JMJD1C: variants seen among roughly 807,000 people sequenced by gnomAD.
JMJD1C encodes jumonji domain containing 1C.
JMJD1C carries 31 observed loss-of-function variants against 245.3 expected under a neutral mutation model. The observed-to-expected ratio is 0.13, with a 90% CI of 0.09 to 0.17. The LOEUF (loss-of-function observed/expected upper bound fraction) is 0.17, where lower values mean the gene tolerates loss of function less well. Ranked by LOEUF, JMJD1C falls within the 10% of genes least tolerant of loss-of-function variation. The pLI is 1.00. For missense variants in JMJD1C, 2,691 were observed against 3,000.2 expected, an observed-to-expected ratio of 0.90 and a Z score of 2.41; for synonymous variants, 1,057 against 1,017.4, an observed-to-expected ratio of 1.04 and a Z score of -0.74.
At chr10:63,375,442 T>G (rs981512339) in intron 2 of JMJD1C, among the ~76,000 whole-genome samples, 14 of 151,818 alleles carry the variant, frequency 9.2e-5, no homozygotes, top group African/African-American at 3.4e-4. Flanking sequence ...GAAGATGAAA[T>G]AAACAAAACT....
chr10:63,185,363 C>T (rs1477612202), intron 20 of JMJD1C, among the ~76,000 whole-genome samples, 200 bp downstream of exon 20: 1 of 151,796 alleles, frequency 6.6e-6, no homozygotes, highest in African/African-American at 2.4e-5. Context: ...AAGTCTTGGA[C>T]TCCAGCGATC....
chr10:63,446,762 C>T (rs373977900), intron 1 of JMJD1C, among the ~76,000 whole-genome samples: 1 of 152,102 alleles, frequency 6.6e-6, no homozygotes, highest in Non-Finnish European at 1.5e-5. Flanking sequence ...TTTAAAAAGA[C>T]GAGGTAATTT....
intron 10 of JMJD1C, chr10:63,204,793 G>A: frequency 2.0e-6 from 2 of 985,338 alleles, no homozygotes; most frequent in Non-Finnish European, 2.4e-6. Context: ...TTCACTTTCT[G>A]ACTGTCCTTT....
intron 3 of JMJD1C, among the ~76,000 whole-genome samples, chr10:63,229,522 T>A (rs1335727370): frequency 6.6e-6 from 1 of 152,156 alleles, no homozygotes; most frequent in Non-Finnish European, 1.5e-5. Context: ...GAAGATAATA[T>A]AAAATATGCT....
At chr10:63,401,210 T>C (rs1442990333) in intron 1 of JMJD1C, among the ~76,000 whole-genome samples, 1 of 152,194 alleles carries the variant, frequency 6.6e-6, no homozygotes, top group East Asian at 1.9e-4. Context: ...TTAACCTCTA[T>C]TCTTTTCTAT....
intron 2 of JMJD1C, among the ~76,000 whole-genome samples, chr10:63,305,629 CGTGTGTGTGTGTGTGTGTGTGTGTGTGT>C (rs36038855): frequency 1.1e-4 from 13 of 121,770 alleles, no homozygotes; most frequent in East Asian, 6.9e-4. Flanking sequence ...ACCATGCTGG[CGTGTGTGTGTGTGTGTGTGTGTGTGTGT>C]GTGTGTGTGT....
At position 63,198,580 on chromosome 10, in the gene JMJD1C, T is replaced by C. The variant is rs1003380240; in HGVS notation, c.5424A>G (p.Ile1808Met). 26 of 1,611,014 alleles carry C rather than the reference T, an allele frequency of 1.6e-5. No homozygotes were observed. Among genetic ancestry groups the C allele is most frequent in the Non-Finnish European group, 2.2e-5 (26 of 1,177,868 alleles). Residue 1808 changes from isoleucine (I) to methionine (M), a missense_variant, in exon 12 of 26, where the codon ATA (isoleucine) becomes ATG (methionine). Physicochemically the swap from Ile to Met is conservative, Grantham distance 10. Around this residue, in one of 9 missense-constraint regions of JMJD1C, gnomAD observed 139 missense variants for 270.5 expected, o/e 0.51. Coordinates refer to ENST00000399262, the MANE Select transcript of JMJD1C (RefSeq NM_032776.3). Reference sequence around the variant, plus strand: ...CTAATTGACAGAACTTATCACCTATTATATCCAAGATATATTTAGAAGTCT... The same window carrying C: ...CTAATTGACAGAACTTATCACCTATCATATCCAAGATATATTTAGAAGTCT... Reference protein sequence around the residue: ...DIETSKYILDIIGDKFCQLVT... With the variant: ...DIETSKYILDMIGDKFCQLVT...
chr10:63,352,949 T>C (rs986749667), intron 2 of JMJD1C, among the ~76,000 whole-genome samples: 12 of 152,106 alleles, frequency 7.9e-5, no homozygotes, highest in African/African-American at 2.9e-4. Flanking sequence ...GGAGTTCCAC[T>C]AATGGAGGAA....
At chr10:63,463,307 A>T (rs1047517745) in intron 1 of JMJD1C, among the ~76,000 whole-genome samples, 38 of 151,890 alleles carry the variant, frequency 2.5e-4, no homozygotes, top group African/African-American at 7.7e-4. Context: ...ATGGAACCAC[A>T]GGCATTGTAC....
At chr10:63,450,593 T>C (rs754089748) in intron 1 of JMJD1C, among the ~76,000 whole-genome samples, 1 of 152,156 alleles carries the variant, frequency 6.6e-6, no homozygotes, top group Non-Finnish European at 1.5e-5. Flanking sequence ...ATCATCTCAA[T>C]TGATGCAGAT....
intron 1 of JMJD1C, among the ~76,000 whole-genome samples, chr10:63,450,743 T>C (rs1287750837): frequency 6.6e-6 from 1 of 152,166 alleles, no homozygotes; most frequent in Non-Finnish European, 1.5e-5. Context: ...AAAAGCTTTT[T>C]CTCTAAGATC....
chr10:63,320,965 A>T (rs556129914), intron 2 of JMJD1C, among the ~76,000 whole-genome samples: 1 of 152,316 alleles, frequency 6.6e-6, no homozygotes, highest in Non-Finnish European at 1.5e-5. Context: ...AGAGGGGCTG[A>T]ATTGAGTTGA....
intron 2 of JMJD1C, among the ~76,000 whole-genome samples, chr10:63,299,709 C>T (rs180894988): frequency 2.3e-4 from 35 of 151,970 alleles, no homozygotes; most frequent in African/African-American, 8.0e-4. Flanking sequence ...AACATAAAAA[C>T]GATTTGAAGA....
intron 1 of JMJD1C, among the ~76,000 whole-genome samples, chr10:63,441,447 T>C (rs570991235): frequency 3.3e-4 from 50 of 152,166 alleles, no homozygotes; most frequent in Non-Finnish European, 6.6e-4. Flanking sequence ...AAAGTTTCCA[T>C]GGGGACGAAG....
intron 1 of JMJD1C, among the ~76,000 whole-genome samples, chr10:63,484,605 AAT>A (rs1197245961): frequency 2.0e-5 from 3 of 152,084 alleles, no homozygotes; most frequent in Non-Finnish European, 4.4e-5. Flanking sequence ...TGATCAAACC[AAT>A]AAAAGCAGTG....
intron 3 of JMJD1C, chr10:63,222,332 G>A (rs1394077190): frequency 3.7e-6 from 5 of 1,338,426 alleles, no homozygotes; most frequent in Non-Finnish European, 5.4e-6. Flanking sequence ...CAGTAAAGAT[G>A]CACTGCATTT....
chr10:63,349,099 TCAAAAAAAAAAA>T, intron 2 of JMJD1C, among the ~76,000 whole-genome samples: 1 of 4,352 alleles, frequency 2.3e-4, no homozygotes, highest in African/African-American at 1.2e-3. Context: ...AGACTCTGTC[TCAAAAAAAAAAA>T]AAAAAAAAAA....
At chr10:63,480,780 A>G (rs1456943493) in intron 1 of JMJD1C, among the ~76,000 whole-genome samples, 8 of 152,228 alleles carry the variant, frequency 5.3e-5, no homozygotes, top group Non-Finnish European at 1.2e-4. Context: ...GGAAATGGCA[A>G]ATGAGAAAGC....
Position 63,465,852 on chromosome 10 carries a change from C to T in JMJD1C, c.-190G>A, listed in dbSNP as rs747255457. 1.3e-4 allele frequency: 90 copies of T among 703,136 alleles called. 1 individual carries two copies. The highest frequency in any genetic ancestry group is 9.1e-5 in the South Asian group (6 of 66,248). The allele number at this position is 703,136 out of a possible 1,614,324, so 43.6% of individuals were successfully genotyped here. A position where few individuals can be genotyped will look rare whatever the true frequency, so the allele number is the denominator to read the frequency against. The stretch of plus-strand genomic sequence containing the variant: ...ACCTCGGGCCCTCCCCGCAAACACT[C>T]CTTTGGACTCCCAGATTCGCAGCCT... On this transcript the variant is annotated 5_prime_UTR_variant, in exon 1 of 26. Transcript: ENST00000399262.
Sources: gnomAD v4.1 joint callset for allele counts (sites outside exome capture counted in the v4.1 genomes callset) on GRCh38, gnomAD v4.1.1 for gene constraint, gnomAD v4.1.1 regional missense constraint, MANE v1.5 for transcripts, NCBI Gene and HGNC (gene_info 2026-07-23, HGNC 2026-07-21) for gene names.